MAPK6: variants seen among roughly 807,000 people sequenced by gnomAD.
The protein encoded by MAPK6 is ERK-3.
In MAPK6, 19 loss-of-function variants were observed where a neutral mutation model predicts 59.3. That is an observed-to-expected ratio of 0.32 (90% confidence interval 0.22 to 0.47). The LOEUF is 0.47. Among genes scored for constraint, MAPK6 ranks in the 20% least tolerant of loss-of-function variants. The probability of loss-of-function intolerance (pLI) is 1.00; values close to 1 mark genes in which losing one functional copy is unlikely to be tolerated. For synonymous variants in MAPK6, 316 were observed against 290.3 expected (o/e 1.09, Z -0.90); for missense variants, 724 against 847.9 (o/e 0.85, Z 1.81).
chr15:51,992,223 G>A (rs1445976198), intron 2 of MAPK6, among the ~76,000 whole-genome samples: 1 of 151,688 alleles, frequency 6.6e-6, no homozygotes, highest in African/African-American at 2.4e-5. Context: ...CTCCCAAAGT[G>A]GTGGGCTTAC....
intron 1 of MAPK6, among the ~76,000 whole-genome samples, chr15:52,032,070 T>G (rs1422452297): frequency 6.6e-6 from 1 of 152,050 alleles, no homozygotes; most frequent in Non-Finnish European, 1.5e-5. Context: ...GAGATAGGGT[T>G]TCACCATGTT....
chr15:52,063,560 T>A (rs987052714), intron 5 of MAPK6, among the ~76,000 whole-genome samples: 1 of 11,116 alleles, frequency 9.0e-5, no homozygotes, highest in Middle Eastern at 0.042. Flanking sequence ...TTAGCAAACC[T>A]CCTCCTCTTC....
chr15:52,034,260 T>TA (rs1255050367), intron 1 of MAPK6, among the ~76,000 whole-genome samples: 1 of 151,834 alleles, frequency 6.6e-6, no homozygotes, highest in East Asian at 1.9e-4. Flanking sequence ...GCTGGGATTA[T>TA]AGGCGTGAGC....
chr15:51,998,687 AT>A lies in MAPK6; in HGVS notation c.-769-5557del, dbSNP rs964775744. On this transcript the variant is annotated intron_variant, in intron 2 of 7. Coordinates refer to the MAPK6 transcript ENST00000691380. ...AGGCGTGCGCCACCATGCCTGGTTAATTTTTTTTTTTTTTTTTTTTTGAGAC... is the reference window on the plus strand; with the variant it reads ...AGGCGTGCGCCACCATGCCTGGTTAATTTTTTTTTTTTTTTTTTTTGAGAC... 1.4e-3 allele frequency among the ~76,000 whole-genome samples: 52 copies of A among 38,496 alleles called. 2 individuals are homozygous for A. Among genetic ancestry groups the A allele is most frequent in the South Asian group, 7.0e-3 (4 of 568 alleles). The allele number at this position is 38,496 out of a possible 152,430, so 25.3% of individuals were successfully genotyped here.
intron 5 of MAPK6, among the ~76,000 whole-genome samples, chr15:52,062,747 A>G (rs928019157): frequency 6.6e-6 from 1 of 152,206 alleles, no homozygotes; most frequent in Non-Finnish European, 1.5e-5. Flanking sequence ...CCTGGGCGAC[A>G]GAGCAAGACT....
intron 3 of MAPK6, among the ~76,000 whole-genome samples, chr15:52,005,340 C>T (rs2057255070): frequency 6.6e-6 from 1 of 152,074 alleles, no homozygotes; most frequent in Non-Finnish European, 1.5e-5. Context: ...TCCTGACCAA[C>T]ATGGCAAAAC....
intron 4 of MAPK6, among the ~76,000 whole-genome samples, chr15:52,059,833 A>G (rs1311364577): frequency 2.6e-5 from 4 of 152,194 alleles, no homozygotes; most frequent in African/African-American, 4.8e-5. Flanking sequence ...AGATTTATCA[A>G]TTGTATGCTC....
At chr15:52,060,266 AGGGTTCTTTC>A (rs2032149306) in intron 4 of MAPK6, among the ~76,000 whole-genome samples, 1 of 152,168 alleles carries the variant, frequency 6.6e-6, no homozygotes. Context: ...AGAAAAGAAA[AGGGTTCTTTC>A]TAGAGTACAG....
intron 1 of MAPK6, among the ~76,000 whole-genome samples, chr15:52,023,371 A>G (rs912769723): frequency 3.9e-5 from 6 of 152,140 alleles, no homozygotes; most frequent in South Asian, 2.1e-4. Context: ...ACATTACACT[A>G]CAACCTGCCA....
At chr15:52,019,459 GCGGCGGCGA>G (rs1555396915) in intron 1 of MAPK6, 83 bp downstream of exon 1, 2 of 147,420 alleles carry the variant, frequency 1.4e-5, no homozygotes, top group South Asian at 1.8e-4. Context: ...GGCGGCGGCG[GCGGCGGCGA>G]CGGCGGAGCC....
intron 1 of MAPK6, chr15:52,020,078 C>T (rs1040555146): frequency 5.3e-5 from 8 of 152,294 alleles, no homozygotes; most frequent in Admixed American, 3.3e-4. Flanking sequence ...TCCCTCGGCC[C>T]TACAGTCTTT....
chr15:52,042,991 A>C (rs975413960), intron 1 of MAPK6, among the ~76,000 whole-genome samples: 4 of 151,664 alleles, frequency 2.6e-5, no homozygotes, highest in Non-Finnish European at 5.9e-5. Context: ...AGGTGTGGTG[A>C]CTCCTGCCTG....
At chr15:52,030,030 C>T (rs534916800) in intron 1 of MAPK6, among the ~76,000 whole-genome samples, 12 of 152,286 alleles carry the variant, frequency 7.9e-5, no homozygotes, top group Non-Finnish European at 1.6e-4. Flanking sequence ...CTCATTGCTA[C>T]CTCCTTTCCT....
upstream of MAPK6, chr15:52,017,408 G>A (rs150531004): frequency 0.016 from 2,463 of 152,282 alleles, 29 homozygotes; most frequent in African/African-American, 0.033. Context: ...TCTTAAGGGT[G>A]GGGGAGATTA....
chr15:52,044,054 G>A (rs944810770), intron 1 of MAPK6, among the ~76,000 whole-genome samples: 2 of 152,072 alleles, frequency 1.3e-5, no homozygotes, highest in South Asian at 2.1e-4. Flanking sequence ...GATTACAGGC[G>A]TGAGCCACCG....
At chr15:52,049,292 G>A (rs2141093287) in intron 2 of MAPK6, among the ~76,000 whole-genome samples, 1 of 151,568 alleles carries the variant, frequency 6.6e-6, no homozygotes, top group Admixed American at 6.6e-5. Flanking sequence ...TCTCAAGACT[G>A]AGTGTAAACC....
intron 1 of MAPK6, among the ~76,000 whole-genome samples, chr15:52,033,122 T>C (rs1012403222): frequency 5.9e-5 from 9 of 152,260 alleles, no homozygotes; most frequent in Non-Finnish European, 1.0e-4. Context: ...TTTCTACTTT[T>C]GTCTTTTCTT....
Position 52,065,980 on chromosome 15 carries a change from TAAA to T in MAPK6, c.*985_*987del, listed in dbSNP as rs1340017637. On this transcript the variant is annotated 3_prime_UTR_variant, in exon 6 of 6. Coordinates refer to ENST00000261845, the MANE Select transcript of MAPK6 (RefSeq NM_002748.4). ...AGAAGTCTTAATTGTGTTTATTTTTTAAAAAAACAAATGTTAGACTTGTGTGCA... is the reference window on the plus strand; with the variant it reads ...AGAAGTCTTAATTGTGTTTATTTTTTAAAACAAATGTTAGACTTGTGTGCA... The T allele has an allele frequency of 6.6e-6, 1 of 152,568 alleles. No individual in the cohort carries two copies. The highest frequency in any genetic ancestry group is 1.5e-5 in the Non-Finnish European group (1 of 67,998). The allele number at this position is 152,568 out of a possible 1,614,324, so 9.5% of individuals were successfully genotyped here. A position where few individuals can be genotyped will look rare whatever the true frequency, so the allele number is the denominator to read the frequency against.
chr15:52,008,191 C>T (rs2029955752), intron 3 of MAPK6, among the ~76,000 whole-genome samples: 1 of 152,114 alleles, frequency 6.6e-6, no homozygotes, highest in African/African-American at 2.4e-5. Flanking sequence ...AACACTCCAC[C>T]TTTGACTTAC....
Sources: allele counts gnomAD v4.1 joint callset (sites outside exome capture counted in the v4.1 genomes callset), GRCh38; gene constraint gnomAD v4.1.1; transcripts MANE v1.5; gene names NCBI Gene and HGNC (gene_info 2026-07-23, HGNC 2026-07-21).